The following QTMAN variants were observed in gnomAD, a reference collection of about 807,000 sequenced individuals.
QTMAN encodes queuosine-tRNA mannosyltransferase.
chr2:143,987,991 G>A, the QTMAN span, among the ~76,000 whole-genome samples: 2 of 152,192 alleles, frequency 1.3e-5, no homozygotes, highest in African/African-American at 2.4e-5. Flanking sequence ...AAACAGGGTG[G>A]CGGAGAATCA....
chr2:144,322,968 T>C, the QTMAN span, among the ~76,000 whole-genome samples: 1 of 152,172 alleles, frequency 6.6e-6, no homozygotes, highest in African/African-American at 2.4e-5. Flanking sequence ...AAGCTGACAA[T>C]AGCACAGCAG....
chr2:144,202,099 T>G, the QTMAN span, among the ~76,000 whole-genome samples: 5 of 151,948 alleles, frequency 3.3e-5, no homozygotes, highest in Non-Finnish European at 7.4e-5. Flanking sequence ...AACAACAGAA[T>G]AGTATAAATA....
the QTMAN span, among the ~76,000 whole-genome samples, chr2:144,022,910 G>C: frequency 6.6e-6 from 1 of 151,984 alleles, no homozygotes; most frequent in Admixed American, 6.6e-5. Flanking sequence ...TGTCCACTGA[G>C]TTAATTTTGA....
At chr2:144,024,049 A>G in the QTMAN span, among the ~76,000 whole-genome samples, 1 of 152,234 alleles carries the variant, frequency 6.6e-6, no homozygotes, top group African/African-American at 2.4e-5. Context: ...CTAGAACTAG[A>G]TATTAGTTTG....
At chr2:144,229,236 G>A in the QTMAN span, among the ~76,000 whole-genome samples, 1 of 151,960 alleles carries the variant, frequency 6.6e-6, no homozygotes, top group Non-Finnish European at 1.5e-5. Context: ...ACTATTCTTG[G>A]GATAATTCCT....
chr2:143,956,281 G>A, the QTMAN span, among the ~76,000 whole-genome samples: 1 of 152,146 alleles, frequency 6.6e-6, no homozygotes, highest in Admixed American at 6.5e-5. Context: ...AGATTTTAAA[G>A]TAATCCTTTG....
the QTMAN span, among the ~76,000 whole-genome samples, chr2:143,987,725 G>A: frequency 6.6e-6 from 1 of 152,210 alleles, no homozygotes; most frequent in Non-Finnish European, 1.5e-5. Flanking sequence ...TATAGTCTCT[G>A]CGCTTAAGGT....
the QTMAN span, among the ~76,000 whole-genome samples, chr2:144,301,062 A>T: frequency 6.6e-6 from 1 of 152,342 alleles, no homozygotes; most frequent in South Asian, 2.1e-4. Flanking sequence ...TTCCTAGCCA[A>T]TTGCAATGCC....
chr2:144,208,477 T>C, the QTMAN span: 17 of 748,844 alleles, frequency 2.3e-5, 1 homozygote, highest in South Asian at 3.8e-5. Flanking sequence ...TAAAGAAATA[T>C]CTACTATAGT....
chr2:144,106,077 G>A, the QTMAN span, among the ~76,000 whole-genome samples: 4 of 152,134 alleles, frequency 2.6e-5, no homozygotes, highest in African/African-American at 9.7e-5. Context: ...TCACCACCAG[G>A]CCTGCCCTAA....
chr2:144,016,849 C>G, the QTMAN span, among the ~76,000 whole-genome samples: 468 of 152,048 alleles, frequency 3.1e-3, 2 homozygotes, highest in African/African-American at 0.011. Context: ...ATTTCCTGAA[C>G]AGAGTATCAG....
the QTMAN span, among the ~76,000 whole-genome samples, chr2:144,265,426 G>A: frequency 5.3e-5 from 8 of 152,238 alleles, 1 homozygote; most frequent in South Asian, 6.2e-4. Flanking sequence ...GGTCAGGCGC[G>A]GTGGCTCACA....
At chr2:144,243,780 C>A in the QTMAN span, among the ~76,000 whole-genome samples, 1 of 152,120 alleles carries the variant, frequency 6.6e-6, no homozygotes, top group Non-Finnish European at 1.5e-5. Context: ...TCATCTCATT[C>A]TTTAATAATA....
At chr2:144,291,037 T>C in the QTMAN span, among the ~76,000 whole-genome samples, 1 of 152,204 alleles carries the variant, frequency 6.6e-6, no homozygotes, top group African/African-American at 2.4e-5. Context: ...CTCTCTCTCA[T>C]CTTCTAGTAG....
At chr2:144,019,435 GGTGTGTGTGT>G in the QTMAN span, among the ~76,000 whole-genome samples, 7,327 of 117,244 alleles carry the variant, frequency 0.062, 340 homozygotes, top group East Asian at 0.24. Context: ...TAAGCATGCA[GGTGTGTGTGT>G]GTGTGTGTGT....
the QTMAN span, among the ~76,000 whole-genome samples, chr2:144,206,719 C>T: frequency 1.3e-5 from 2 of 152,198 alleles, no homozygotes; most frequent in African/African-American, 2.4e-5. Context: ...TGCTGTGACA[C>T]TTACCCTCAA....
At chr2:144,104,327 G>C in the QTMAN span, among the ~76,000 whole-genome samples, 1 of 152,230 alleles carries the variant, frequency 6.6e-6, no homozygotes, top group Non-Finnish European at 1.5e-5. Flanking sequence ...CACCTGGGAA[G>C]TGCAAGGGGT....
the QTMAN span, among the ~76,000 whole-genome samples, chr2:144,242,608 T>C: frequency 6.6e-6 from 1 of 152,192 alleles, no homozygotes; most frequent in South Asian, 2.1e-4. Context: ...TTGTTAGCAA[T>C]GACTGTTGTG....
the QTMAN span, among the ~76,000 whole-genome samples, chr2:144,004,365 G>A: frequency 4.2e-3 from 644 of 152,032 alleles, 8 homozygotes; most frequent in African/African-American, 0.015. Context: ...ACGATCAGGG[G>A]TCTAAATAAA....
Sources: gnomAD v4.1 joint callset for allele counts (sites outside exome capture counted in the v4.1 genomes callset) on GRCh38, gnomAD v4.1.1 for gene constraint, MANE v1.5 for transcripts, NCBI Gene and HGNC (gene_info 2026-07-23, HGNC 2026-07-21) for gene names.